Variants in RYR3 observed in about 807,000 individuals in gnomAD.
RYR3 encodes the protein ryanodine receptor 3.
RYR3 carries 207 observed loss-of-function variants against 584.3 expected under a neutral mutation model. The ratio of observed to expected loss-of-function variants is 0.35; its 90% CI spans 0.32 to 0.40. The LOEUF (loss-of-function observed/expected upper bound fraction) is 0.40, where lower values mean the gene tolerates loss of function less well. RYR3 is among the 10% of genes least tolerant of loss of function. The pLI is 1.00. For missense variants in RYR3, 5,616 were observed against 6,089.2 expected, an observed-to-expected ratio of 0.92 and a Z score of 2.59; for synonymous variants, 2,416 against 2,248.5, an observed-to-expected ratio of 1.07 and a Z score of -2.11.
At chr15:33,453,116 A>T (rs1377755710) in intron 1 of RYR3, among the ~76,000 whole-genome samples, 1 of 152,202 alleles carries the variant, frequency 6.6e-6, no homozygotes, top group African/African-American at 2.4e-5. Flanking sequence ...TTCAAAATGG[A>T]ATATAGTCAA....
At chr15:33,849,126 A>G (rs7169684) in intron 94 of RYR3, 136,174 of 152,008 alleles carry the variant, frequency 0.9, 61,190 homozygotes, top group Non-Finnish European at 0.93. Flanking sequence ...ATGAGCCACC[A>G]CGCCCGGCCT....
chr15:33,748,013 G>T, intron 53 of RYR3, 101 bp from the exon 54 acceptor site: 1 of 1,073,422 alleles, frequency 9.3e-7, no homozygotes, highest in Non-Finnish European at 1.4e-6. Context: ...GTGCTAACTA[G>T]CACCCCCACC....
intron 10 of RYR3, among the ~76,000 whole-genome samples, chr15:33,557,422 A>G (rs3794580): frequency 0.13 from 20,209 of 152,112 alleles, 4,185 homozygotes; most frequent in African/African-American, 0.44. Context: ...GTCTCGCTCA[A>G]TTGCCAGGCT....
intron 1 of RYR3, among the ~76,000 whole-genome samples, chr15:33,431,432 T>C (rs1010405111): frequency 1.3e-5 from 2 of 152,136 alleles, no homozygotes; most frequent in Admixed American, 1.3e-4. Flanking sequence ...TGTATAGATA[T>C]GTTTGGAAGG....
At chr15:33,802,392 A>G (rs1401848080) in intron 69 of RYR3, among the ~76,000 whole-genome samples, 1 of 152,188 alleles carries the variant, frequency 6.6e-6, no homozygotes, top group African/African-American at 2.4e-5. Context: ...TTTTCCTCCT[A>G]TCTGTAATAT....
At chr15:33,433,510 G>T (rs931060666) in intron 1 of RYR3, among the ~76,000 whole-genome samples, 5 of 151,658 alleles carry the variant, frequency 3.3e-5, no homozygotes, top group African/African-American at 1.2e-4. Context: ...AGAAATTAAA[G>T]GACAATTAGG....
At chr15:33,805,437 C>T (rs2076132087) in intron 69 of RYR3, among the ~76,000 whole-genome samples, 1 of 150,508 alleles carries the variant, frequency 6.6e-6, no homozygotes, top group African/African-American at 2.4e-5. Context: ...CATTCTCCCT[C>T]TTTCATTCCC....
At position 33,372,289 on chromosome 15, in the gene RYR3, T is replaced by A. The variant is rs147624417; in HGVS notation, c.51+61193T>A. ...TAACTGCAACCTCCGTCTCCCAGAT[T>A]TAAGCAATTCTCCTGCCTCAGCCTT... On this transcript the variant is annotated intron_variant, in intron 1 of 103. Transcript: ENST00000634891. Among the ~76,000 whole-genome samples the A allele has an allele frequency of 1.2e-4, 19 of 152,002 alleles. No individual in the cohort carries two copies. The East Asian group carries it at 3.7e-3, about 30-fold the overall frequency.
In RYR3 at chr15:33,500,829, G is replaced by A. The variant is rs186522142; in HGVS notation, c.172-2802G>A. Among the ~76,000 whole-genome samples, 35 of 152,290 alleles carry A rather than the reference G, an allele frequency of 2.3e-4. No individual in the cohort carries two copies. The East Asian group carries it at 6.6e-3, about 29-fold the overall frequency. ...AGTGTGGAGGTGGGAGTTCAGGCCA[G>A]TTTGGAGTTTAATTAAGGATGGCAG... On this transcript the variant is annotated intron_variant, in intron 2 of 103. Coordinates refer to ENST00000634891, the MANE Select transcript of RYR3 (RefSeq NM_001036.6).
chr15:33,609,601 C>T (rs1367233861), intron 18 of RYR3, among the ~76,000 whole-genome samples: 3 of 152,064 alleles, frequency 2.0e-5, no homozygotes, highest in Non-Finnish European at 2.9e-5. Flanking sequence ...TGCAGTGAGC[C>T]GAGATCGTGC....
At chr15:33,625,249 T>C (rs2060925588) in intron 20 of RYR3, among the ~76,000 whole-genome samples, 1 of 152,102 alleles carries the variant, frequency 6.6e-6, no homozygotes, top group Non-Finnish European at 1.5e-5. Flanking sequence ...GGGGGAAGGC[T>C]GCCCCTATGA....
Position 33,557,225 on chromosome 15 carries a change from T to C in RYR3, c.973-5612T>C, listed in dbSNP as rs1480032566. ...TAGGATAATACAAGCCATAGGGCCA[T>C]TGAAAGATTTAGAGGAAATGTAAAG... On this transcript the variant is annotated intron_variant, in intron 10 of 103. Transcript: ENST00000634891. Among the ~76,000 whole-genome samples, 6 of 152,184 alleles carry C rather than the reference T, an allele frequency of 3.9e-5. No individual in the cohort carries two copies. In the South Asian group the frequency reaches 1.0e-3, roughly 26 times the overall value.
chr15:33,745,246 G>T (rs73381143), intron 52 of RYR3, among the ~76,000 whole-genome samples: 8,456 of 152,076 alleles, frequency 0.056, 665 homozygotes, highest in African/African-American at 0.18. Context: ...AATTTGAGGG[G>T]TGCCTGTGGA....
At chr15:33,423,095 A>G (rs1306362683) in intron 1 of RYR3, among the ~76,000 whole-genome samples, 1 of 152,170 alleles carries the variant, frequency 6.6e-6, no homozygotes, top group Non-Finnish European at 1.5e-5. Context: ...AACCATCACC[A>G]CTATTCCCAA....
Position 33,865,140 on chromosome 15 carries a change from GTCTGGAAGATGTAC to G in RYR3, c.14528_14541del (p.Val4843AlafsTer12). Reference sequence around the variant, plus strand: ...GTTCATATTATTTCAGGAATCTTATGTCTGGAAGATGTACCAAGAAAGGTGTTGGGATTTCTTCC... The same window carrying G: ...GTTCATATTATTTCAGGAATCTTATGCAAGAAAGGTGTTGGGATTTCTTCC... On this transcript the variant is annotated frameshift_variant, in exon 104 of 104. Coordinates refer to ENST00000634891, the MANE Select transcript of RYR3 (RefSeq NM_001036.6). LOFTEE classifies it high-confidence loss of function. 6.2e-7 allele frequency: 1 copy of G among 1,612,788 alleles called. No individual in the cohort carries two copies. Among genetic ancestry groups the G allele is most frequent in the South Asian group, 1.1e-5 (1 of 90,974 alleles).
intron 30 of RYR3, among the ~76,000 whole-genome samples, chr15:33,648,189 G>A (rs188992738): frequency 1.1e-4 from 17 of 152,208 alleles, no homozygotes; most frequent in African/African-American, 4.1e-4. Flanking sequence ...AAATTAATCA[G>A]CAAGCCCTGA....
At chr15:33,450,336 T>C (rs1435923426) in intron 1 of RYR3, among the ~76,000 whole-genome samples, 1 of 152,126 alleles carries the variant, frequency 6.6e-6, no homozygotes, top group African/African-American at 2.4e-5. Flanking sequence ...ATTGTGAGTT[T>C]AATGGATTTC....
At chr15:33,805,876 GA>G (rs1324877767) in intron 69 of RYR3, among the ~76,000 whole-genome samples, 1 of 151,852 alleles carries the variant, frequency 6.6e-6, no homozygotes, top group Non-Finnish European at 1.5e-5. Flanking sequence ...GTGCACACGG[GA>G]ACGCACACTC....
intron 1 of RYR3, among the ~76,000 whole-genome samples, chr15:33,406,429 T>C (rs937043253): frequency 2.0e-5 from 3 of 152,222 alleles, no homozygotes; most frequent in African/African-American, 7.2e-5. Context: ...CCATAAAATG[T>C]CTGTGATCTA....
Sources: allele counts gnomAD v4.1 joint callset (sites outside exome capture counted in the v4.1 genomes callset), GRCh38; gene constraint gnomAD v4.1.1; transcripts MANE v1.5; gene names NCBI Gene and HGNC (gene_info 2026-07-23, HGNC 2026-07-21).